Variants in SCYL3 observed in about 807,000 individuals in gnomAD.
The protein encoded by SCYL3 is protein-associating with the carboxyl-terminal domain of ezrin.
SCYL3 carries 35 observed loss-of-function variants against 73.8 expected under a neutral mutation model. The ratio of observed to expected loss-of-function variants is 0.47; its 90% CI spans 0.36 to 0.63. SCYL3 has a LOEUF of 0.63. Among genes scored for constraint, SCYL3 ranks in the 20% least tolerant of loss-of-function variants. The probability of loss-of-function intolerance (pLI) is 0.00; values close to 1 mark genes in which losing one functional copy is unlikely to be tolerated. For missense variants in SCYL3, 712 were observed against 798.9 expected (o/e 0.89, Z 1.31); for synonymous variants, 277 against 295.2 (o/e 0.94, Z 0.63).
At chr1:169,873,317 T>C (rs191854829) in intron 5 of SCYL3, among the ~76,000 whole-genome samples, 1 of 152,338 alleles carries the variant, frequency 6.6e-6, no homozygotes, top group East Asian at 1.9e-4. Flanking sequence ...CCGCCATGAT[T>C]GTGAGGCCTC....
At chr1:169,885,071 T>A (rs951051522) in intron 2 of SCYL3, among the ~76,000 whole-genome samples, 1 of 152,246 alleles carries the variant, frequency 6.6e-6, no homozygotes. Flanking sequence ...AAGATGACTA[T>A]TTTTGAATGA....
At chr1:169,883,069 C>T (rs1406432054) in intron 2 of SCYL3, among the ~76,000 whole-genome samples, 1 of 152,162 alleles carries the variant, frequency 6.6e-6, no homozygotes, top group Non-Finnish European at 1.5e-5. Flanking sequence ...CCGCGAAGGT[C>T]CACGGCTTCA....
chr1:169,865,064 C>T, intron 8 of SCYL3, among the ~76,000 whole-genome samples: 1 of 151,974 alleles, frequency 6.6e-6, no homozygotes, highest in East Asian at 1.9e-4. Flanking sequence ...AAATTATCCC[C>T]TTACTAATAG....
At chr1:169,888,451 T>C (rs985575445) in intron 2 of SCYL3, among the ~76,000 whole-genome samples, 8 of 152,198 alleles carry the variant, frequency 5.3e-5, no homozygotes, top group Admixed American at 2.0e-4. Context: ...ATAAAAGCCA[T>C]TGTACTGAGT....
At position 169,854,914 on chromosome 1, in the gene SCYL3, C is replaced by T. The variant is rs1571376451; in HGVS notation, c.1363G>A (p.Val455Ile). The T allele has an allele frequency of 1.2e-6, 2 of 1,613,060 alleles. No individual in the cohort carries two copies. The highest frequency in any genetic ancestry group is 2.2e-5 in the East Asian group (1 of 44,882). The change falls in exon 12 of 13, where the codon GTA becomes ATA. Residue 455 changes from valine to isoleucine, a missense_variant. Physicochemically the swap from Val to Ile is conservative, Grantham distance 29. Coordinates refer to ENST00000367771, the MANE Select transcript of SCYL3 (RefSeq NM_020423.7). ...IKFPINGLSD[V>I]KNTSEDSENF... is the part of the protein sequence containing the mutation. ...TCACTGTCCTCCGAAGTATTTTTTA[C>T]ATCTGAGAGTCCATTTATGGGAAAT...
At chr1:169,862,533 C>G in intron 10 of SCYL3, 80 bp downstream of exon 10, 1 of 1,474,488 alleles carries the variant, frequency 6.8e-7, no homozygotes, top group South Asian at 1.2e-5. Context: ...AAGCTATTAT[C>G]TGAATACCTC....
In SCYL3 at chr1:169,883,437, T is replaced by C. The variant is rs374405566; in HGVS notation, c.166-4618A>G. 2.6e-5 allele frequency among the ~76,000 whole-genome samples: 4 copies of C among 152,190 alleles called. No individual in the cohort carries two copies. The East Asian group carries it at 7.7e-4, about 29-fold the overall frequency. On this transcript the variant is annotated intron_variant, in intron 2 of 12. Coordinates refer to ENST00000367771, the MANE Select transcript of SCYL3 (RefSeq NM_020423.7). ...CTAACATGATATTAAAGCTCTAGGG[T>C]CTACCCTATACAATCACTGAGGAAG...
At chr1:169,868,054 A>T (rs1660156109) in intron 7 of SCYL3, among the ~76,000 whole-genome samples, 1 of 152,234 alleles carries the variant, frequency 6.6e-6, no homozygotes, top group Admixed American at 6.5e-5. Context: ...TTTTAAAAAC[A>T]TCCTCAAAAA....
chr1:169,851,738 C>A lies in SCYL3; in HGVS notation c.*1975G>T. The stretch of plus-strand genomic sequence containing the variant: ...GCCTAGTATGGTTGAACACTCAGCA[C>A]TTAAATTATGTGGCCATTTCATATC... On this transcript the variant is annotated 3_prime_UTR_variant, in exon 13 of 13. Transcript: ENST00000367771. The A allele has an allele frequency of 3.2e-6, 5 of 1,544,502 alleles. No homozygotes were observed. The highest frequency in any genetic ancestry group is 4.4e-6 in the Non-Finnish European group (5 of 1,143,622).
chr1:169,893,510 CCGCCTTGGAGAGCTCTGGCCGCGGG>C (rs1662230342), intron 1 of SCYL3, among the ~76,000 whole-genome samples: 2 of 152,264 alleles, frequency 1.3e-5, no homozygotes, highest in African/African-American at 4.8e-5. Context: ...GACTCCGCGG[CCGCCTTGGAGAGCTCTGGCCGCGGG>C]CGCCTCACCC....
chr1:169,855,803 TAA>T (rs754307905), intron 11 of SCYL3: 4 of 1,612,376 alleles, frequency 2.5e-6, no homozygotes, highest in Non-Finnish European at 3.4e-6. Flanking sequence ...TACCTGTCTG[TAA>T]AAGAGTATTG....
rs188832765 is a variant in SCYL3 at position 169,878,345 on chromosome 1, T to C, written c.351+289A>G. Among the ~76,000 whole-genome samples, 1,118 of 152,348 alleles carry C rather than the reference T, an allele frequency of 7.3e-3. 13 individuals are homozygous for C. The highest frequency in any genetic ancestry group is 0.025 in the African/African-American group (1,039 of 41,582). On this transcript the variant is annotated intron_variant, in intron 3 of 12. Coordinates refer to ENST00000367771, the MANE Select transcript of SCYL3 (RefSeq NM_020423.7). ...TAGTAACTCATGCCAGCTGTAGCTA[T>C]GTTTAGGCAAAGAATTATCCAAAAC...
rs1175271968 is a variant in SCYL3, at chr1:169,854,299, A to G, written c.1978T>C (p.Ser660Pro). ...GTAATTTCTGCTGCAGCAAATTTTGAGGAAAACTGCATCACTGGGGAGACA... is the reference window on the plus strand; with the variant it reads ...GTAATTTCTGCTGCAGCAAATTTTGGGGAAAACTGCATCACTGGGGAGACA... ...DDVSPVMQFS[S>P]KFAAAEITEG... Residue 660 changes from serine to proline, a missense_variant, in exon 12 of 13, where the codon TCA (serine) becomes CCA (proline). Ser to Pro is a moderately conservative substitution (Grantham distance 74, BLOSUM62 -1). Transcript: ENST00000367771. 2 of 1,607,028 alleles carry G rather than the reference A, an allele frequency of 1.2e-6. No individual in the cohort carries two copies. The highest frequency in any genetic ancestry group is 2.7e-5 in the African/African-American group (2 of 74,328).
At chr1:169,883,770 T>C (rs1054980182) in intron 2 of SCYL3, among the ~76,000 whole-genome samples, 65 of 150,424 alleles carry the variant, frequency 4.3e-4, no homozygotes, top group African/African-American at 1.6e-3. Context: ...CCAGGCTGCA[T>C]TGCAGTGGCA....
Position 169,870,339 on chromosome 1 carries a change from G to A in SCYL3, c.541C>T (p.Leu181Phe). Reference protein sequence around the residue: ...PEEMSPEFTTLPECHGHARDA... With the variant: ...PEEMSPEFTTFPECHGHARDA... The stretch of plus-strand genomic sequence containing the variant: ...CGGGCATGTCCATGACACTCTGGGA[G>A]AGTTGTGAATTCTGGAGACTAAAAG... Residue 181 changes from leucine (L) to phenylalanine (F), a missense_variant, in exon 6 of 13, where the codon CTC becomes TTC. Around this residue, in one of 2 missense-constraint regions of SCYL3, gnomAD observed 342 missense variants for 448.1 expected, o/e 0.76. Transcript: ENST00000367771. 6.2e-7 allele frequency: 1 copy of A among 1,612,246 alleles called. No individual in the cohort carries two copies. The highest frequency in any genetic ancestry group is 1.3e-5 in the African/African-American group (1 of 74,942).
At chr1:169,856,658 G>A (rs1049814347) in intron 11 of SCYL3, among the ~76,000 whole-genome samples, 2 of 152,040 alleles carry the variant, frequency 1.3e-5, no homozygotes, top group African/African-American at 4.8e-5. Context: ...TATCCTCCTT[G>A]AAGTCCTATC....
chr1:169,873,777 A>G (rs1266596830), intron 4 of SCYL3, 25 bp from the exon 5 acceptor site: 1 of 1,537,040 alleles, frequency 6.5e-7, no homozygotes, highest in Non-Finnish European at 9.0e-7. Context: ...AAATTAAAGA[A>G]AATGATTCAT....
intron 2 of SCYL3, among the ~76,000 whole-genome samples, chr1:169,882,557 G>GA (rs1234591022): frequency 6.6e-6 from 1 of 152,238 alleles, no homozygotes; most frequent in African/African-American, 2.4e-5. Flanking sequence ...TCCACTGGGT[G>GA]AAGCCAGCTG....
chr1:169,877,326 T>C (rs1319770333), intron 3 of SCYL3, among the ~76,000 whole-genome samples: 6 of 152,158 alleles, frequency 3.9e-5, no homozygotes, highest in East Asian at 3.9e-4. Context: ...GGCTCATTTT[T>C]TGAAATGTTT....
Sources: allele counts gnomAD v4.1 joint callset (sites outside exome capture counted in the v4.1 genomes callset), GRCh38; gene constraint gnomAD v4.1.1; regional missense constraint gnomAD v4.1.1; transcripts MANE v1.5; gene names NCBI Gene and HGNC (gene_info 2026-07-23, HGNC 2026-07-21).